The following MAN2A1 variants were observed in gnomAD, a reference collection of about 807,000 sequenced individuals.
The protein encoded by MAN2A1 is alpha-mannosidase 2.
Under a neutral mutation model 142.6 loss-of-function variants are expected in MAN2A1, and 76 were observed. The ratio of observed to expected loss-of-function variants is 0.53; its 90% CI spans 0.44 to 0.65. MAN2A1 has a LOEUF of 0.65. Ranked by LOEUF, MAN2A1 falls within the 30% of genes least tolerant of loss-of-function variation. The pLI is 0.00. For missense variants in MAN2A1, 1,311 were observed against 1,365.1 expected (o/e 0.96, Z 0.62); for synonymous variants, 559 against 473.2 (o/e 1.18, Z -2.35).
intron 8 of MAN2A1, among the ~76,000 whole-genome samples, chr5:109,775,260 G>C (rs1011419602): frequency 6.6e-6 from 1 of 152,028 alleles, no homozygotes; most frequent in Admixed American, 6.6e-5. Context: ...TACTGTTTTT[G>C]TTGTGCTTGT....
At chr5:109,854,080 T>A (rs1480341832) in intron 19 of MAN2A1, 1 of 152,152 alleles carries the variant, frequency 6.6e-6, no homozygotes, top group Non-Finnish European at 1.5e-5. Flanking sequence ...TTCACACAGA[T>A]CAGTAGCCAA....
At chr5:109,755,029 A>T (rs1752651865) in intron 4 of MAN2A1, among the ~76,000 whole-genome samples, 2 of 152,138 alleles carry the variant, frequency 1.3e-5, no homozygotes. Context: ...AACCAACCAG[A>T]TGTGGCTTTT....
chr5:109,816,487 A>G (rs1170809200), intron 12 of MAN2A1, among the ~76,000 whole-genome samples: 1 of 152,144 alleles, frequency 6.6e-6, no homozygotes, highest in African/African-American at 2.4e-5. Flanking sequence ...CCCTGTTACA[A>G]GTGGATTCAC....
intron 20 of MAN2A1, chr5:109,863,539 A>T (rs1269256224): frequency 6.6e-6 from 1 of 152,236 alleles, no homozygotes; most frequent in Non-Finnish European, 1.5e-5. Context: ...GGCAGTGTGA[A>T]GCTACTTACA....
chr5:109,800,204 T>C (rs1248175809), intron 12 of MAN2A1, among the ~76,000 whole-genome samples: 6 of 152,192 alleles, frequency 3.9e-5, no homozygotes, highest in African/African-American at 1.4e-4. Context: ...TCTGATTGTC[T>C]TTTAGAACTC....
chr5:109,732,747 G>A (rs190350177), intron 4 of MAN2A1, among the ~76,000 whole-genome samples: 2,089 of 152,234 alleles, frequency 0.014, 40 homozygotes, highest in African/African-American at 0.048. Context: ...CCAGTCCCAT[G>A]CTGTTTTGGT....
In MAN2A1 at chr5:109,720,165, G is replaced by A. The variant is rs573722439; in HGVS notation, c.535+3901G>A. Among the ~76,000 whole-genome samples the A allele has an allele frequency of 2.6e-5, 4 of 152,278 alleles. No individual in the cohort carries two copies. In the South Asian group the frequency reaches 8.3e-4, roughly 32 times the overall value. ...AAGAAGTCACAGTGTGTGGAGAGAA[G>A]ATAAGGTATACTAAATGAAAGATTG... is the stretch of plus-strand genomic sequence containing the variant. On this transcript the variant is annotated intron_variant, in intron 3 of 21. Coordinates refer to ENST00000261483, the MANE Select transcript of MAN2A1 (RefSeq NM_002372.4).
At chr5:109,812,512 T>G (rs2112714415) in intron 12 of MAN2A1, among the ~76,000 whole-genome samples, 1 of 152,310 alleles carries the variant, frequency 6.6e-6, no homozygotes, top group East Asian at 1.9e-4. Flanking sequence ...TTCAGAATAC[T>G]GTATAAAGCT....
rs1750626422 is a variant in MAN2A1 at position 109,690,295 on chromosome 5, C to T, written c.-123C>T. On this transcript the variant is annotated 5_prime_UTR_variant, in exon 1 of 22. Transcript: ENST00000261483. ...GCAAGGCGGGGACTCGCACCCGCAT[C>T]CGAGAGCGCGGAGGTCGCGCAGCCC... is the stretch of plus-strand genomic sequence containing the variant. The T allele has an allele frequency of 9.9e-7, 1 of 1,013,910 alleles. No individual in the cohort carries two copies. The highest frequency in any genetic ancestry group is 1.6e-5 in the African/African-American group (1 of 63,042). The allele number at this position is 1,013,910 out of a possible 1,614,324, so 62.8% of individuals were successfully genotyped here. A position where few individuals can be genotyped will look rare whatever the true frequency, so the allele number is the denominator to read the frequency against.
At chr5:109,757,664 GA>G (rs1175078354) in intron 5 of MAN2A1, among the ~76,000 whole-genome samples, 1 of 152,042 alleles carries the variant, frequency 6.6e-6, no homozygotes, top group Admixed American at 6.6e-5. Context: ...ATCCCCCAAA[GA>G]AACCTTATAC....
Position 109,690,595 on chromosome 5 carries a change from C to A in MAN2A1, c.135+43C>A, listed in dbSNP as rs186139401. 1.5e-3 allele frequency: 2,364 copies of A among 1,547,840 alleles called. 3 individuals are homozygous for A. The highest frequency in any genetic ancestry group is 1.9e-3 in the Non-Finnish European group (2,227 of 1,147,556). On this transcript the variant is annotated intron_variant, in intron 1 of 21. Coordinates refer to ENST00000261483, the MANE Select transcript of MAN2A1 (RefSeq NM_002372.4). Reference sequence around the variant, plus strand: ...GGGCGCGGGGCTCCGAGGGGCCAGGCGTGCGGGCCCCTGGTTAGCGGCTGC... The same window carrying A: ...GGGCGCGGGGCTCCGAGGGGCCAGGAGTGCGGGCCCCTGGTTAGCGGCTGC...
chr5:109,813,411 C>T (rs1246048347), intron 12 of MAN2A1, among the ~76,000 whole-genome samples: 1 of 152,208 alleles, frequency 6.6e-6, no homozygotes, highest in African/African-American at 2.4e-5. Context: ...GGTGAAATTG[C>T]ATTATAAGCC....
At chr5:109,825,272 G>C (rs1754726442) in intron 16 of MAN2A1, among the ~76,000 whole-genome samples, 1 of 152,066 alleles carries the variant, frequency 6.6e-6, no homozygotes, top group Admixed American at 6.5e-5. Context: ...TTTTAAGTTT[G>C]CTTTAAACTA....
chr5:109,760,822 T>A (rs34364676), intron 5 of MAN2A1, among the ~76,000 whole-genome samples: 26,304 of 152,100 alleles, frequency 0.17, 3,258 homozygotes, highest in East Asian at 0.64. Flanking sequence ...TTTGGTGATA[T>A]CCCCTTTATC....
intron 12 of MAN2A1, among the ~76,000 whole-genome samples, chr5:109,790,117 A>C (rs1753698776): frequency 6.6e-6 from 1 of 151,910 alleles, no homozygotes; most frequent in East Asian, 1.9e-4. Context: ...TTCTTTAAAC[A>C]GCAAGGTATC....
intron 16 of MAN2A1, among the ~76,000 whole-genome samples, chr5:109,831,922 A>C (rs1182355015): frequency 6.6e-6 from 1 of 151,816 alleles, no homozygotes; most frequent in African/African-American, 2.4e-5. Context: ...ATTTGTATGC[A>C]GTTGGTCAAA....
intron 4 of MAN2A1, among the ~76,000 whole-genome samples, chr5:109,732,310 G>A (rs1486803286): frequency 1.3e-5 from 2 of 151,704 alleles, no homozygotes; most frequent in African/African-American, 4.9e-5. Context: ...CATTTTGTAG[G>A]TTGCCTGTTC....
rs1755899860 is a variant in MAN2A1 at position 109,866,974 on chromosome 5, C to T, written c.3411C>T (p.Ser1137=). ...TCAACTTGAGTCCAATGGAAATCAG[C>T]ACATTCCGAATCCAGTTGAGGTGAA... ...SEINLSPMEI[S]TFRIQLR is the part of the protein sequence containing the mutation. The change falls in exon 22 of 22, where the codon AGC becomes AGT. Residue 1137 remains serine, a synonymous_variant. Coordinates refer to ENST00000261483, the MANE Select transcript of MAN2A1 (RefSeq NM_002372.4). 1.2e-6 allele frequency: 2 copies of T among 1,610,592 alleles called. No homozygotes were observed. The highest frequency in any genetic ancestry group is 1.7e-6 in the Non-Finnish European group (2 of 1,178,366).
intron 12 of MAN2A1, among the ~76,000 whole-genome samples, chr5:109,789,759 A>G (rs953969611): frequency 1.3e-5 from 2 of 151,860 alleles, no homozygotes; most frequent in Admixed American, 6.6e-5. Flanking sequence ...TCTCACAGAT[A>G]TAAGGTATAG....
Sources: allele counts gnomAD v4.1 joint callset (sites outside exome capture counted in the v4.1 genomes callset), GRCh38; gene constraint gnomAD v4.1.1; transcripts MANE v1.5; gene names NCBI Gene and HGNC (gene_info 2026-07-23, HGNC 2026-07-21).